PTPRD: variants seen among roughly 807,000 people sequenced by gnomAD.
The protein encoded by PTPRD is protein tyrosine phosphatase receptor type D.
In PTPRD, 34 loss-of-function variants were observed where a neutral mutation model predicts 214.5. The observed-to-expected ratio is 0.16, with a 90% confidence interval of 0.12 to 0.21. The LOEUF is 0.21. PTPRD is among the 10% of genes least tolerant of loss of function. PTPRD has a pLI of 1.00. For synonymous variants in PTPRD, 1,128 were observed against 845.7 expected, an observed-to-expected ratio of 1.33 and a Z score of -5.79; for missense variants, 2,545 against 2,398.7, an observed-to-expected ratio of 1.06 and a Z score of -1.27.
In PTPRD at chr9:9,949,735, G is replaced by A. The variant is rs529835547; in HGVS notation, c.-471-11125C>T. 7.9e-5 allele frequency among the ~76,000 whole-genome samples: 12 copies of A among 152,186 alleles called. 1 individual carries two copies. In the South Asian group the frequency reaches 8.3e-4, roughly 11 times the overall value. On this transcript the variant is annotated intron_variant, in intron 4 of 45. Transcript: ENST00000381196. ...AAAAAAATGCTTTCTCATTCTTGAC[G>A]AATGGGGAGCAAGTATGTAGACTCA...
At chr9:10,093,316 T>A (rs1029503991) in intron 3 of PTPRD, among the ~76,000 whole-genome samples, 2 of 151,522 alleles carry the variant, frequency 1.3e-5, no homozygotes, top group Admixed American at 1.3e-4. Flanking sequence ...TAAGATGACA[T>A]ACAAATGGCC....
chr9:9,363,111 CTTTTTTTTTT>C (rs3048061), intron 9 of PTPRD, among the ~76,000 whole-genome samples: 1 of 129,862 alleles, frequency 7.7e-6, no homozygotes. Flanking sequence ...CTATTTTGTG[CTTTTTTTTTT>C]TTTTTTTTTA....
intron 30 of PTPRD, among the ~76,000 whole-genome samples, chr9:8,477,871 G>C (rs564559373): frequency 6.6e-6 from 1 of 152,338 alleles, no homozygotes; most frequent in East Asian, 1.9e-4. Flanking sequence ...CTGTGGTTCA[G>C]AACATAGGCT....
At chr9:9,023,313 C>A (rs1325494648) in intron 10 of PTPRD, among the ~76,000 whole-genome samples, 1 of 151,986 alleles carries the variant, frequency 6.6e-6, no homozygotes, top group African/African-American at 2.4e-5. Context: ...TACTAAGGCC[C>A]AGAAATAAAT....
chr9:9,737,895 C>T (rs1192075729), intron 6 of PTPRD, among the ~76,000 whole-genome samples: 1 of 152,130 alleles, frequency 6.6e-6, no homozygotes, highest in Non-Finnish European at 1.5e-5. Flanking sequence ...GTTTGATGAA[C>T]TGCCAAACTG....
intron 3 of PTPRD, among the ~76,000 whole-genome samples, chr9:10,072,222 T>C (rs1361508061): frequency 2.0e-5 from 3 of 152,106 alleles, no homozygotes; most frequent in African/African-American, 7.2e-5. Context: ...TATGAAAATA[T>C]GCTCAATATT....
chr9:9,468,599 A>G (rs1309399732), intron 8 of PTPRD, among the ~76,000 whole-genome samples: 1 of 152,052 alleles, frequency 6.6e-6, no homozygotes, highest in East Asian at 1.9e-4. Context: ...ATAAACATGC[A>G]TTTCAGTCTA....
At chr9:8,786,247 A>G (rs1018571407) in intron 11 of PTPRD, among the ~76,000 whole-genome samples, 1 of 152,132 alleles carries the variant, frequency 6.6e-6, no homozygotes, top group Admixed American at 6.6e-5. Flanking sequence ...TCATTTTGTT[A>G]AACAGTCAAC....
At chr9:9,298,748 A>T (rs1954098353) in intron 9 of PTPRD, among the ~76,000 whole-genome samples, 1 of 151,780 alleles carries the variant, frequency 6.6e-6, no homozygotes, top group African/African-American at 2.4e-5. Context: ...CTCTTCTCTG[A>T]ATTGTCCTGA....
chr9:9,630,240 A>G (rs534415964), intron 7 of PTPRD, among the ~76,000 whole-genome samples: 9 of 152,346 alleles, frequency 5.9e-5, no homozygotes, highest in Admixed American at 5.9e-4. Context: ...GGAGGTTGCC[A>G]CCATTTTCAT....
At position 8,314,620 on chromosome 9, in the gene PTPRD, A is replaced by C. The variant is rs1820891538; in HGVS notation, c.*3254T>G. 1 of 231,980 alleles carries C rather than the reference A, an allele frequency of 4.3e-6. No homozygotes were observed. Among genetic ancestry groups the C allele is most frequent in the Non-Finnish European group, 8.5e-6 (1 of 117,200 alleles). 14.4% of individuals were successfully genotyped at this position (231,980 alleles called of 1,614,324 possible). On this transcript the variant is annotated 3_prime_UTR_variant, in exon 46 of 46. Transcript: ENST00000381196. ...GTATCAGGGCACCCATAAACCCAAAAGGAACCAAAACCCAAAAAGAAAAAC... is the reference window on the plus strand; with the variant it reads ...GTATCAGGGCACCCATAAACCCAAACGGAACCAAAACCCAAAAAGAAAAAC...
At chr9:8,384,772 C>A (rs527960351) in intron 37 of PTPRD, among the ~76,000 whole-genome samples, 2 of 152,136 alleles carry the variant, frequency 1.3e-5, no homozygotes, top group Admixed American at 1.3e-4. Context: ...GTGATCTGCC[C>A]GCCTTGGCCT....
At chr9:8,666,225 C>T (rs1331489543) in intron 12 of PTPRD, among the ~76,000 whole-genome samples, 1 of 152,096 alleles carries the variant, frequency 6.6e-6, no homozygotes, top group African/African-American at 2.4e-5. Flanking sequence ...TTGAGCAAAT[C>T]ATTAAACATA....
At chr9:8,704,822 C>T (rs1040193855) in intron 12 of PTPRD, among the ~76,000 whole-genome samples, 1 of 151,626 alleles carries the variant, frequency 6.6e-6, no homozygotes, top group Admixed American at 6.6e-5. Context: ...ACTTGGGACG[C>T]TGAGGCAGGA....
At chr9:8,653,872 T>C (rs1012007876) in intron 12 of PTPRD, among the ~76,000 whole-genome samples, 8 of 152,238 alleles carry the variant, frequency 5.3e-5, no homozygotes, top group Admixed American at 5.2e-4. Flanking sequence ...ACTTGTGCTC[T>C]TGATCCACCT....
At chr9:10,525,659 C>T (rs1215004082) in intron 2 of PTPRD, among the ~76,000 whole-genome samples, 1 of 151,688 alleles carries the variant, frequency 6.6e-6, no homozygotes, top group Non-Finnish European at 1.5e-5. Context: ...AAATATTCTC[C>T]ACACATATCC....
At chr9:9,417,252 G>A (rs972698784) in intron 8 of PTPRD, among the ~76,000 whole-genome samples, 9 of 151,896 alleles carry the variant, frequency 5.9e-5, no homozygotes, top group African/African-American at 2.2e-4. Flanking sequence ...TAATCTGCTT[G>A]GTAAAATTAG....
chr9:9,722,433 T>C (rs965464475), intron 7 of PTPRD, among the ~76,000 whole-genome samples: 2 of 152,122 alleles, frequency 1.3e-5, no homozygotes, highest in Non-Finnish European at 2.9e-5. Flanking sequence ...AATAGCATTG[T>C]AAAATCTATA....
At chr9:10,109,970 A>G (rs1487026438) in intron 3 of PTPRD, among the ~76,000 whole-genome samples, 1 of 132,040 alleles carries the variant, frequency 7.6e-6, no homozygotes, top group African/African-American at 2.9e-5. Flanking sequence ...GCCAAAAAGA[A>G]AAAAAAAAAG....
Sources: allele counts gnomAD v4.1 joint callset (sites outside exome capture counted in the v4.1 genomes callset), GRCh38; gene constraint gnomAD v4.1.1; transcripts MANE v1.5; gene names NCBI Gene and HGNC (gene_info 2026-07-23, HGNC 2026-07-21).